Variants in MAP4K4 observed in about 807,000 individuals in gnomAD.
The protein encoded by MAP4K4 is HPK/GCK-like kinase HGK.
In MAP4K4, 38 loss-of-function variants were observed where a neutral mutation model predicts 189.6. That is an observed-to-expected ratio of 0.20 (90% CI 0.15 to 0.26). MAP4K4 has a LOEUF of 0.26. Ranked by LOEUF, MAP4K4 falls within the 10% of genes least tolerant of loss-of-function variation. The pLI, the probability that MAP4K4 is intolerant of heterozygous loss-of-function variation, is 1.00. For missense variants in MAP4K4, 1,054 were observed against 1,726.9 expected, an observed-to-expected ratio of 0.61 and a Z score of 6.91; for synonymous variants, 610 against 624.3, an observed-to-expected ratio of 0.98 and a Z score of 0.34.
chr2:101,742,302 G>A (rs1171843522), intron 2 of MAP4K4, among the ~76,000 whole-genome samples: 2 of 152,212 alleles, frequency 1.3e-5, no homozygotes, highest in African/African-American at 4.8e-5. Flanking sequence ...TGAGGAGGCA[G>A]CAAAGCTGTA....
In MAP4K4 at chr2:101,756,729, AT is replaced by A. The variant is rs34314872; in HGVS notation, c.124-33973del. On this transcript the variant is annotated intron_variant, in intron 2 of 32. Coordinates refer to ENST00000324219, the Ensembl canonical transcript of MAP4K4. ...ATCACCATGCCCAGCTAATTTTTGT[AT>A]TTTTTTTTTTTTTTTTTGTAGAAAC... is the stretch of plus-strand genomic sequence containing the variant. Among the ~76,000 whole-genome samples the A allele has an allele frequency of 6.6e-3, 820 of 124,988 alleles. 1 individual carries two copies. Among genetic ancestry groups the A allele is most frequent in the African/African-American group, 0.017 (543 of 32,788 alleles). 82.0% of individuals were successfully genotyped at this position (124,988 alleles called of 152,430 possible).
chr2:101,716,161 C>T (rs750887639), intron 2 of MAP4K4, among the ~76,000 whole-genome samples: 3 of 152,182 alleles, frequency 2.0e-5, no homozygotes, highest in Non-Finnish European at 4.4e-5. Flanking sequence ...CACAAAAATA[C>T]TACAGATGGC....
intron 3 of MAP4K4, among the ~76,000 whole-genome samples, chr2:101,795,164 G>A (rs1392408615): frequency 6.6e-6 from 1 of 152,148 alleles, no homozygotes; most frequent in Non-Finnish European, 1.5e-5. Flanking sequence ...CCATAAGGGT[G>A]CATTATTAGT....
At chr2:101,717,947 G>A (rs1428042880) in intron 2 of MAP4K4, among the ~76,000 whole-genome samples, 1 of 151,516 alleles carries the variant, frequency 6.6e-6, no homozygotes, top group Non-Finnish European at 1.5e-5. Context: ...CCTTGACTGT[G>A]TGTTATTAAA....
rs1477556906 is a variant in MAP4K4 at position 101,824,760 on chromosome 2, A to G, written c.307-559A>G. Reference sequence around the variant, plus strand: ...CAGATCATAGTTAAAATTTTAGAATAGTTCAATTCAGTTTATTTTCTGGGT... The same window carrying G: ...CAGATCATAGTTAAAATTTTAGAATGGTTCAATTCAGTTTATTTTCTGGGT... On this transcript the variant is annotated intron_variant, in intron 4 of 32. Transcript: ENST00000324219. Among the ~76,000 whole-genome samples, 3 of 152,346 alleles carry G rather than the reference A, an allele frequency of 2.0e-5. No homozygotes were observed. In the East Asian group the frequency reaches 5.8e-4, roughly 29 times the overall value.
chr2:101,878,267 A>G (rs945456630), intron 27 of MAP4K4, among the ~76,000 whole-genome samples: 1 of 152,250 alleles, frequency 6.6e-6, no homozygotes, highest in Non-Finnish European at 1.5e-5. Context: ...CAATATTTCA[A>G]ACATAGGATA....
At chr2:101,756,052 C>T (rs1282237377) in intron 2 of MAP4K4, among the ~76,000 whole-genome samples, 6 of 151,196 alleles carry the variant, frequency 4.0e-5, no homozygotes, top group South Asian at 2.1e-4. Flanking sequence ...ACCATTCTCC[C>T]GCCTCAGCCT....
intron 2 of MAP4K4, among the ~76,000 whole-genome samples, chr2:101,725,828 G>A (rs1380731809): frequency 1.3e-5 from 2 of 152,190 alleles, no homozygotes; most frequent in African/African-American, 4.8e-5. Flanking sequence ...GGTCTCACAT[G>A]GCATTCTGTC....
chr2:101,860,182 G>T (rs1017504317), intron 15 of MAP4K4: 1 of 404,808 alleles, frequency 2.5e-6, no homozygotes, highest in South Asian at 2.4e-5. Flanking sequence ...GTGGTCTGAT[G>T]AACTATTCTG....
intron 15 of MAP4K4, chr2:101,860,397 T>C (rs1279123184): frequency 5.3e-6 from 1 of 189,022 alleles, no homozygotes; most frequent in Non-Finnish European, 1.1e-5. Context: ...AGCCTTCTAT[T>C]GTGTCTGCCC....
intron 2 of MAP4K4, among the ~76,000 whole-genome samples, chr2:101,757,900 C>T (rs2073745639): frequency 6.6e-6 from 1 of 152,130 alleles, no homozygotes; most frequent in African/African-American, 2.4e-5. Flanking sequence ...TGGTACACGC[C>T]TGTAATCCCA....
At chr2:101,876,156 G>A (rs2098198061) in intron 26 of MAP4K4, among the ~76,000 whole-genome samples, 1 of 152,162 alleles carries the variant, frequency 6.6e-6, no homozygotes, top group African/African-American at 2.4e-5. Context: ...CAAGTCGCGA[G>A]GCTAGTTTCA....
At chr2:101,824,649 G>C (rs917266367) in intron 4 of MAP4K4, among the ~76,000 whole-genome samples, 2 of 152,092 alleles carry the variant, frequency 1.3e-5, no homozygotes, top group Non-Finnish European at 2.9e-5. Context: ...AATACTTTTT[G>C]TATCAGTATT....
chr2:101,882,649 G>T, exon 28 of MAP4K4: 1 of 1,610,550 alleles, frequency 6.2e-7, no homozygotes, highest in Non-Finnish European at 8.5e-7. Context: ...ATGGACAACC[G>T]TAGGGGATTT....
In MAP4K4 at chr2:101,742,960, G is replaced by A. The variant is rs146356357; in HGVS notation, c.123+44422G>A. Among the ~76,000 whole-genome samples the A allele has an allele frequency of 2.9e-3, 439 of 152,250 alleles. 2 individuals carry two copies. Among genetic ancestry groups the A allele is most frequent in the African/African-American group, 9.8e-3 (409 of 41,532 alleles). On this transcript the variant is annotated intron_variant, in intron 2 of 32. Transcript: ENST00000324219. ...GGGAGAGGCTTTTTATCAGGCCCAC[G>A]TCCTGCTCTTTTTGAAAGAGGTTTT...
At chr2:101,707,762 C>T (rs1375346051) in intron 2 of MAP4K4, among the ~76,000 whole-genome samples, 1 of 149,632 alleles carries the variant, frequency 6.7e-6, no homozygotes, top group Non-Finnish European at 1.5e-5. Context: ...GCAATCTCGG[C>T]TCACTGCAAG....
intron 2 of MAP4K4, among the ~76,000 whole-genome samples, chr2:101,760,542 G>GTGTGTGTGTGTGTGTA (rs2075900607): frequency 6.7e-6 from 1 of 148,924 alleles, no homozygotes; most frequent in African/African-American, 2.5e-5. Context: ...GTGTGTGTGT[G>GTGTGTGTGTGTGTGTA]TGTGTGTGTG....
At chr2:101,892,497 A>G (rs1197312940) in exon 33 of MAP4K4, 3 of 193,782 alleles carry the variant, frequency 1.5e-5, no homozygotes, top group African/African-American at 7.2e-5. Context: ...ATTGTTCTCG[A>G]TGTAGAGGGG....
intron 2 of MAP4K4, among the ~76,000 whole-genome samples, chr2:101,703,210 G>A (rs576312669): frequency 1.1e-4 from 17 of 151,906 alleles, no homozygotes; most frequent in Admixed American, 3.9e-4. Context: ...GATAGTGGCA[G>A]TGGTGGTAGA....
Sources: allele counts gnomAD v4.1 joint callset (sites outside exome capture counted in the v4.1 genomes callset), GRCh38; gene constraint gnomAD v4.1.1; transcripts MANE v1.5; gene names NCBI Gene and HGNC (gene_info 2026-07-23, HGNC 2026-07-21).